Variants in DNTTIP1 observed in about 807,000 individuals in gnomAD.
The protein encoded by DNTTIP1 is deoxynucleotidyltransferase terminal-interacting protein 1.
DNTTIP1 carries 22 observed loss-of-function variants against 52.9 expected under a neutral mutation model. The observed-to-expected ratio is 0.42, with a 90% CI of 0.30 to 0.59. DNTTIP1 has a LOEUF of 0.59. DNTTIP1 is among the 20% of genes least tolerant of loss of function. The pLI, the probability that DNTTIP1 is intolerant of heterozygous loss-of-function variation, is 0.22. For synonymous variants in DNTTIP1, 136 were observed against 155.1 expected (o/e 0.88, Z 0.92); for missense variants, 286 against 435.5 (o/e 0.66, Z 3.06).
intron 3 of DNTTIP1, 75 bp downstream of exon 3, chr20:45,794,092 C>A: frequency 2.3e-6 from 2 of 875,442 alleles, no homozygotes; most frequent in Admixed American, 2.6e-5. Context: ...CATCACCAGT[C>A]TGTCTCTTTC....
At chr20:45,803,860 G>A (rs1175139286) in intron 8 of DNTTIP1, among the ~76,000 whole-genome samples, 3 of 152,018 alleles carry the variant, frequency 2.0e-5, no homozygotes, top group Non-Finnish European at 4.4e-5. Context: ...GTAAGTGATC[G>A]AGCTGAGTCT....
intron 8 of DNTTIP1, 101 bp downstream of exon 8, chr20:45,803,479 T>G (rs1981539860): frequency 3.8e-6 from 5 of 1,304,098 alleles, no homozygotes; most frequent in Non-Finnish European, 4.3e-6. Flanking sequence ...GAAGGGTGCA[T>G]GCACACCATT....
At chr20:45,806,254 G>T (rs1981641298) in intron 10 of DNTTIP1, among the ~76,000 whole-genome samples, 1 of 151,718 alleles carries the variant, frequency 6.6e-6, no homozygotes, top group African/African-American at 2.4e-5. Context: ...TATTCAGGAG[G>T]CTGAGGCAGG....
intron 5 of DNTTIP1, 116 bp downstream of exon 5, chr20:45,801,258 C>T (rs1981459518): frequency 1.5e-6 from 2 of 1,370,114 alleles, no homozygotes; most frequent in Non-Finnish European, 2.1e-6. Flanking sequence ...ACCAGGCCCA[C>T]ACAGCATCAT....
In DNTTIP1 at chr20:45,809,261, C is replaced by A; in HGVS notation, c.795+76C>A. 1.5e-6 allele frequency: 2 copies of A among 1,302,656 alleles called. No homozygotes were observed. Among genetic ancestry groups the A allele is most frequent in the South Asian group, 1.2e-5 (1 of 83,660 alleles). 80.7% of individuals were successfully genotyped at this position (1,302,656 alleles called of 1,614,324 possible). ...CCAGGATTTTGGCTGTGGGTGACAG[C>A]CTACCTCCAAATCTGACTTCCAAAG... On this transcript the variant is annotated intron_variant, in intron 11 of 12. Transcript: ENST00000372622. This position sits in a 1 kb window ranked among gnomAD's most constrained non-coding sequence, Gnocchi z 4.2.
chr20:45,799,455 C>A (rs947347290), intron 4 of DNTTIP1, among the ~76,000 whole-genome samples: 6 of 152,214 alleles, frequency 3.9e-5, no homozygotes, highest in Non-Finnish European at 7.3e-5. Flanking sequence ...CCATCCTTTT[C>A]TTTGTCAAAT....
intron 4 of DNTTIP1, chr20:45,796,468 GATCAAGTT>G (rs1981242588): frequency 2.1e-6 from 1 of 470,784 alleles, no homozygotes. Flanking sequence ...GTGCGTGGTG[GATCAAGTT>G]ATCATGGCCC....
At chr20:45,804,741 T>C (rs1981580070) in intron 8 of DNTTIP1, among the ~76,000 whole-genome samples, 2 of 152,158 alleles carry the variant, frequency 1.3e-5, no homozygotes, top group African/African-American at 4.8e-5. Context: ...GCCCCCTGTC[T>C]GGAATGCCCT....
intron 11 of DNTTIP1, among the ~76,000 whole-genome samples, chr20:45,810,547 T>C (rs923388867): frequency 1.3e-5 from 2 of 151,128 alleles, no homozygotes; most frequent in African/African-American, 4.9e-5. Context: ...GTAGGAGCAA[T>C]GGTGGATCCC....
Position 45,811,081 on chromosome 20 carries a change from G to C in DNTTIP1, c.876G>C (p.Glu292Asp). 1.9e-6 allele frequency: 3 copies of C among 1,614,000 alleles called. No individual in the cohort carries two copies. The highest frequency in any genetic ancestry group is 1.7e-6 in the Non-Finnish European group (2 of 1,179,908). The part of the protein sequence containing the change: ...DYRGCLDLKL[E>D]ELKSFVLPSW... ...GAGGATGCCTGGATCTGAAGCTAGA[G>C]GAATTGAAATCCTTTGTCCTACCCT... is the stretch of plus-strand genomic sequence containing the variant. The change falls in exon 13 of 13, where the codon GAG becomes GAC. Residue 292 changes from glutamate to aspartate, a missense_variant. Physicochemically the swap from Glu to Asp is conservative, Grantham distance 45. This residue lies in a region of DNTTIP1 where 78 missense variants were observed against 169.0 expected (regional missense o/e 0.46). Transcript: ENST00000372622.
intron 4 of DNTTIP1, among the ~76,000 whole-genome samples, chr20:45,795,747 C>T (rs1199326749): frequency 1.3e-5 from 2 of 152,014 alleles, no homozygotes; most frequent in South Asian, 2.1e-4. Context: ...TGCGGTGAGC[C>T]GAGATGGCAC....
Position 45,805,309 on chromosome 20 carries a change from C to G in DNTTIP1, c.666C>G (p.Ala222=). The change falls in exon 10 of 13, where the codon GCC becomes GCG. Residue 222 remains alanine, a synonymous_variant. Transcript: ENST00000372622. ...CCACTTGGCTTTTACTTTTCAGAGC[C>G]CTGGGGATGGGGGGCACCAGAGGAA... ...TFVLGSRANK[A]LGMGGTRGRI... is the part of the protein sequence containing the mutation. The G allele has an allele frequency of 6.2e-7, 1 of 1,614,108 alleles. No individual in the cohort carries two copies. The highest frequency in any genetic ancestry group is 8.5e-7 in the Non-Finnish European group (1 of 1,180,038).
At chr20:45,804,794 G>C (rs1326332404) in intron 8 of DNTTIP1, among the ~76,000 whole-genome samples, 1 of 152,132 alleles carries the variant, frequency 6.6e-6, no homozygotes, top group Non-Finnish European at 1.5e-5. Flanking sequence ...CACCCTTTCA[G>C]AATTAACTTG....
At chr20:45,797,713 CA>C (rs1981288726) in intron 4 of DNTTIP1, among the ~76,000 whole-genome samples, 1 of 152,108 alleles carries the variant, frequency 6.6e-6, no homozygotes, top group Non-Finnish European at 1.5e-5. Context: ...TTTATGCAGC[CA>C]AAAGACACAT....
At chr20:45,799,214 A>G (rs1373559154) in intron 4 of DNTTIP1, among the ~76,000 whole-genome samples, 1 of 152,236 alleles carries the variant, frequency 6.6e-6, no homozygotes, top group African/African-American at 2.4e-5. Context: ...AGCAGATAGA[A>G]TATGTAATGA....
At chr20:45,798,024 C>T (rs1981298811) in intron 4 of DNTTIP1, among the ~76,000 whole-genome samples, 1 of 152,194 alleles carries the variant, frequency 6.6e-6, no homozygotes, top group Non-Finnish European at 1.5e-5. Flanking sequence ...TATAAAGACA[C>T]ATGCACACAT....
Position 45,811,076 on chromosome 20 carries a change from C to G in DNTTIP1, c.871C>G (p.Leu291Val). 6.2e-7 allele frequency: 1 copy of G among 1,613,828 alleles called. No homozygotes were observed. Among genetic ancestry groups the G allele is most frequent in the Non-Finnish European group, 8.5e-7 (1 of 1,179,816 alleles). Residue 291 changes from leucine to valine, a missense_variant, in exon 13 of 13, where the codon CTA (leucine) becomes GTA (valine). Transcript: ENST00000372622. ...TTCCAGAGGATGCCTGGATCTGAAGCTAGAGGAATTGAAATCCTTTGTCCT... is the reference window on the plus strand; with the variant it reads ...TTCCAGAGGATGCCTGGATCTGAAGGTAGAGGAATTGAAATCCTTTGTCCT... The part of the protein sequence containing the change: ...DDYRGCLDLK[L>V]EELKSFVLPS...
chr20:45,807,528 C>G (rs8118462), intron 10 of DNTTIP1, among the ~76,000 whole-genome samples: 9,309 of 152,234 alleles, frequency 0.061, 312 homozygotes, highest in Middle Eastern at 0.1. Flanking sequence ...CCATTTTTCT[C>G]TCCTTCAGAA....
chr20:45,804,594 C>T (rs1452068039), intron 8 of DNTTIP1, among the ~76,000 whole-genome samples: 2 of 152,172 alleles, frequency 1.3e-5, no homozygotes, highest in East Asian at 3.8e-4. Flanking sequence ...CTCCTAAGAC[C>T]TCCAACTCCT....
Sources: allele counts gnomAD v4.1 joint callset (sites outside exome capture counted in the v4.1 genomes callset), GRCh38; gene constraint gnomAD v4.1.1; regional missense constraint gnomAD v4.1.1; non-coding constraint Gnocchi (gnomAD v3.1); transcripts MANE v1.5; gene names NCBI Gene and HGNC (gene_info 2026-07-23, HGNC 2026-07-21).